The following PARP2 variants were observed in gnomAD, a reference collection of about 807,000 sequenced individuals.
PARP2 encodes the protein poly [ADP-ribose] polymerase 2.
A neutral mutation model predicts 77.8 loss-of-function variants in PARP2; 57 were observed. The observed-to-expected ratio is 0.73, with a 90% confidence interval of 0.59 to 0.91. The LOEUF is 0.91. PARP2 is among the 40% of genes least tolerant of loss of function. The probability of loss-of-function intolerance (pLI) is 0.00; values close to 1 mark genes in which losing one functional copy is unlikely to be tolerated. For synonymous variants in PARP2, 226 were observed against 242.6 expected (o/e 0.93, Z 0.64); for missense variants, 651 against 689.0 (o/e 0.94, Z 0.62).
intron 3 of PARP2, 27 bp downstream of exon 3, chr14:20,345,491 G>A: frequency 6.5e-7 from 1 of 1,547,560 alleles, no homozygotes; most frequent in Non-Finnish European, 8.9e-7. Flanking sequence ...CCGATCTTCA[G>A]TCCATGGATA....
chr14:20,343,801 A>G (rs1883606532), intron 1 of PARP2, 114 bp downstream of exon 1: 4 of 1,145,882 alleles, frequency 3.5e-6, no homozygotes, highest in Non-Finnish European at 3.8e-6. Flanking sequence ...GCACTTGGCT[A>G]CCAAACCAGT....
chr14:20,349,514 CA>C (rs11362579), intron 4 of PARP2, among the ~76,000 whole-genome samples: 69,791 of 150,738 alleles, frequency 0.46, 17,842 homozygotes, highest in African/African-American at 0.7. Flanking sequence ...ACTAAAAATA[CA>C]AAAAAAAATT....
Position 20,350,633 on chromosome 14 carries a change from T to G in PARP2, c.421+11T>G, listed in dbSNP as rs1437916070. ...TGAGATGGGGCCGAGGTAATGATTT[T>G]TATTGAGATTTTATGAGTTGGCATT... On this transcript the variant is annotated intron_variant, in intron 5 of 15. Coordinates refer to ENST00000429687, the MANE Select transcript of PARP2 (RefSeq NM_001042618.2). The G allele has an allele frequency of 6.5e-7, 1 of 1,546,134 alleles. No homozygotes were observed. The highest frequency in any genetic ancestry group is 1.4e-5 in the African/African-American group (1 of 73,740).
chr14:20,357,736 C>T lies in PARP2; in HGVS notation c.1652C>T (p.Pro551Leu). The change falls in exon 16 of 16, where the codon CCC (proline) becomes CTC (leucine). Residue 551 changes from proline to leucine, a missense_variant. Transcript: ENST00000429687. ...LNYNEYIVYNPNQVRMRYLLK... is the reference protein window; with the variant it reads ...LNYNEYIVYNLNQVRMRYLLK... ...TACAATGAATATATTGTATATAACC[C>T]CAACCAGGTCCGTATGCGGTACCTT... is the stretch of plus-strand genomic sequence containing the variant. The T allele has an allele frequency of 1.9e-6, 3 of 1,613,598 alleles. No individual in the cohort carries two copies. The highest frequency in any genetic ancestry group is 3.3e-5 in the Admixed American group (2 of 59,972).
chr14:20,347,371 TA>T lies in PARP2; in HGVS notation c.324+459del, dbSNP rs1566418298. On this transcript the variant is annotated intron_variant, in intron 4 of 15. Coordinates refer to ENST00000429687, the MANE Select transcript of PARP2 (RefSeq NM_001042618.2). ...ATGTGTGTGTGTATATATATATATATATATATATATATATATATATATATAT... is the reference window on the plus strand; with the variant it reads ...ATGTGTGTGTGTATATATATATATATTATATATATATATATATATATATAT... Among the ~76,000 whole-genome samples the T allele has an allele frequency of 1.3e-4, 2 of 15,436 alleles. 1 individual carries two copies. Among genetic ancestry groups the T allele is most frequent in the African/African-American group, 4.4e-4 (2 of 4,518 alleles). The allele number at this position is 15,436 out of a possible 152,430, so 10.1% of individuals were successfully genotyped here.
At chr14:20,344,798 G>A (rs766072073) in intron 1 of PARP2, 134 bp from the exon 2 acceptor site, 21 of 658,066 alleles carry the variant, frequency 3.2e-5, no homozygotes, top group Non-Finnish European at 4.8e-5. Flanking sequence ...GGGCGAGAGA[G>A]TGAGACTCCA....
At chr14:20,352,558 C>CTTT (rs374239476) in intron 7 of PARP2, 2 of 215,634 alleles carry the variant, frequency 9.3e-6, no homozygotes, top group Non-Finnish European at 8.5e-6. Flanking sequence ...GATTTTTTTT[C>CTTT]TTTTTTTTTT....
intron 14 of PARP2, 68 bp downstream of exon 14, chr14:20,357,217 G>T (rs1266874379): frequency 7.2e-7 from 1 of 1,387,578 alleles, no homozygotes; most frequent in African/African-American, 1.4e-5. Context: ...AGAAAAGTTT[G>T]ACCCCAGAAC....
chr14:20,355,620 TTCTC>T (rs917402062), intron 9 of PARP2, 128 bp from the exon 10 acceptor site: 24 of 630,648 alleles, frequency 3.8e-5, no homozygotes, highest in Admixed American at 2.0e-4. Context: ...ACAGATCTCT[TTCTC>T]TCTCAAATGG....
Position 20,357,056 on chromosome 14 carries a change from G to A in PARP2, c.1335G>A (p.Gly445=), listed in dbSNP as rs1453944848. 3 of 1,605,092 alleles carry A rather than the reference G, an allele frequency of 1.9e-6. No homozygotes were observed. The highest frequency in any genetic ancestry group is 1.7e-6 in the Non-Finnish European group (2 of 1,171,830). ...PEAPITGYMF[G]KGIYFADMSS... ...TATTCATGTATATATTTCAGTTTGG[G>A]AAAGGAATCTACTTTGCTGACATGT... Residue 445 remains glycine (G), a synonymous_variant, in exon 14 of 16, where the codon GGG becomes GGA. Transcript: ENST00000429687.
chr14:20,355,232 A>T, intron 9 of PARP2: 1 of 283,578 alleles, frequency 3.5e-6, no homozygotes, highest in Non-Finnish European at 6.5e-6. Context: ...ACCTTCAGGC[A>T]TATCACCCCC....
intron 2 of PARP2, 52 bp downstream of exon 2, chr14:20,345,139 C>T: frequency 6.3e-7 from 1 of 1,589,552 alleles, no homozygotes; most frequent in Non-Finnish European, 8.6e-7. Context: ...AGGAGTGGAT[C>T]TGGGGATGAT....
At chr14:20,357,237 T>G in intron 14 of PARP2, 88 bp downstream of exon 14, 1 of 1,321,174 alleles carries the variant, frequency 7.6e-7, no homozygotes, top group Admixed American at 1.7e-5. Context: ...CCAAGAGGTT[T>G]ACCTGGGATA....
At chr14:20,355,190 T>A in intron 9 of PARP2, 1 of 382,564 alleles carries the variant, frequency 2.6e-6, no homozygotes, top group Non-Finnish European at 4.6e-6. Flanking sequence ...CAAGAGAGAA[T>A]GGGTCTAGCT....
Position 20,356,373 on chromosome 14 carries a change from G to A in PARP2, c.1168G>A (p.Asp390Asn). 1.1e-5 allele frequency: 18 copies of A among 1,614,098 alleles called. No homozygotes were observed. Among genetic ancestry groups the A allele is most frequent in the Non-Finnish European group, 1.5e-5 (18 of 1,179,970 alleles). ...THSDYTMTLL[D>N]LFEVEKDGEK... ...CAGCGACTATACCATGACCTTGCTG[G>A]ATTTGTTTGAAGTGGAGAAGGATGG... Residue 390 changes from aspartate (D) to asparagine (N), a missense_variant, in exon 12 of 16, where the codon GAT becomes AAT. Transcript: ENST00000429687.
At chr14:20,353,937 A>G in intron 7 of PARP2, 148 bp from the exon 8 acceptor site, 1 of 626,372 alleles carries the variant, frequency 1.6e-6, no homozygotes, top group South Asian at 2.2e-5. Context: ...GAACCTGTAC[A>G]GCCTTTTTTT....
chr14:20,343,741 A>G (rs947032351), intron 1 of PARP2, 54 bp downstream of exon 1: 2 of 1,568,582 alleles, frequency 1.3e-6, no homozygotes, highest in Admixed American at 3.6e-5. Context: ...GTCAGAAAGG[A>G]ACGATGCCAC....
At chr14:20,345,145 A>T in intron 2 of PARP2, 58 bp downstream of exon 2, 1 of 1,578,700 alleles carries the variant, frequency 6.3e-7, no homozygotes, top group East Asian at 2.2e-5. Flanking sequence ...GGATCTGGGG[A>T]TGATATCTTG....
chr14:20,352,879 CT>C (rs5807033), intron 7 of PARP2: 63,174 of 142,384 alleles, frequency 0.44, 14,529 homozygotes, highest in African/African-American at 0.64. Context: ...TACTAAGGTT[CT>C]TTTTTTTTTT....
Sources: gnomAD v4.1 joint callset for allele counts (sites outside exome capture counted in the v4.1 genomes callset) on GRCh38, gnomAD v4.1.1 for gene constraint, MANE v1.5 for transcripts, NCBI Gene and HGNC (gene_info 2026-07-23, HGNC 2026-07-21) for gene names.